The following CYSLTR1 variants were observed in gnomAD, a reference collection of about 807,000 sequenced individuals.
CYSLTR1 encodes G-protein coupled receptor HG55.
A neutral mutation model predicts 2.1 loss-of-function variants in CYSLTR1; 1 was observed. The ratio of observed to expected loss-of-function variants is 0.48; its 90% confidence interval spans 0.17 to 2.28. The LOEUF is 2.28. Ranked by LOEUF, CYSLTR1 falls within the 30% of genes most tolerant of loss-of-function variation. The probability of loss-of-function intolerance (pLI) is 0.26; values close to 1 mark genes in which losing one functional copy is unlikely to be tolerated. For synonymous variants in CYSLTR1, 110 were observed against 89.6 expected (o/e 1.23, Z -1.28); for missense variants, 299 against 250.1 (o/e 1.20, Z -1.32).
chrX:78,292,120 T>G (rs758383059), intron 1 of CYSLTR1, among the ~76,000 whole-genome samples: 7 of 112,060 alleles, frequency 6.2e-5, no homozygotes, highest in Admixed American at 9.5e-5. Flanking sequence ...CTATAAATTT[T>G]CCTCTACAAA....
intron 2 of CYSLTR1, among the ~76,000 whole-genome samples, chrX:78,278,393 T>C (rs750339583): frequency 2.8e-4 from 31 of 111,804 alleles, no homozygotes; most frequent in African/African-American, 9.7e-4. Flanking sequence ...AGTAAAATTC[T>C]TAGGAATACA....
At chrX:78,297,072 C>T (rs754217763) in intron 1 of CYSLTR1, among the ~76,000 whole-genome samples, 3 of 111,185 alleles carry the variant, frequency 2.7e-5, no homozygotes, top group Non-Finnish European at 5.7e-5. Flanking sequence ...TTCTTTTATA[C>T]TTAGTTTTTT....
At chrX:78,287,370 C>CTA (rs1318511261) in intron 1 of CYSLTR1, among the ~76,000 whole-genome samples, 7 of 111,640 alleles carry the variant, frequency 6.3e-5, no homozygotes, top group Admixed American at 2.9e-4. Context: ...AAAAGACAAA[C>CTA]TATAGAGACA....
chrX:78,318,089 T>C lies in CYSLTR1; in HGVS notation c.-115+9216A>G, dbSNP rs1923494710. On this transcript the variant is annotated intron_variant, in intron 1 of 2. Transcript: ENST00000373304. The stretch of plus-strand genomic sequence containing the variant: ...TATTATAAGGACACATGCATGTGTA[T>C]GTTCATTGCAGTACTATTCACAATA... 2.7e-5 allele frequency among the ~76,000 whole-genome samples: 3 copies of C among 112,557 alleles called. 1 individual carries two copies. The South Asian group carries it at 1.1e-3, about 41-fold the overall frequency.
intron 1 of CYSLTR1, among the ~76,000 whole-genome samples, chrX:78,303,599 T>C: frequency 9.0e-6 from 1 of 111,511 alleles, no homozygotes; most frequent in Non-Finnish European, 1.9e-5. Flanking sequence ...TAAGTCATTC[T>C]TTTGGTATAT....
At chrX:78,275,154 T>C (rs1056499688) in intron 2 of CYSLTR1, among the ~76,000 whole-genome samples, 17 of 112,108 alleles carry the variant, frequency 1.5e-4, no homozygotes, top group Non-Finnish European at 3.2e-4. Context: ...GTTCAACCAT[T>C]GTGGAAGACA....
In CYSLTR1 at chrX:78,272,672, T is replaced by C. The variant is rs1921320482; in HGVS notation, c.*61A>G. ...AAATTTTTATTTTTTTTGTAAATGA[T>C]TTGACAAAATACTTATTTGGGAAAC... On this transcript the variant is annotated 3_prime_UTR_variant, in exon 3 of 3. Transcript: ENST00000373304. The C allele has an allele frequency of 1.9e-6, 2 of 1,030,201 alleles. No homozygotes were observed. Among genetic ancestry groups the C allele is most frequent in the Non-Finnish European group, 2.5e-6 (2 of 784,931 alleles). 84.9% of individuals were successfully genotyped at this position (1,030,201 alleles called of 1,213,427 possible). A position where few individuals can be genotyped will look rare whatever the true frequency, so the allele number is the denominator to read the frequency against.
At chrX:78,317,279 A>G (rs1284480934) in intron 1 of CYSLTR1, among the ~76,000 whole-genome samples, 1 of 112,604 alleles carries the variant, frequency 8.9e-6, no homozygotes, top group Admixed American at 9.4e-5. Flanking sequence ...TAAAACCACA[A>G]TGAGATACTG....
chrX:78,278,047 G>A (rs1349644629), intron 2 of CYSLTR1, among the ~76,000 whole-genome samples: 1 of 111,973 alleles, frequency 8.9e-6, no homozygotes, highest in Non-Finnish European at 1.9e-5. Flanking sequence ...TGATACAAGA[G>A]TTAAAGATAA....
chrX:78,272,596 T>A lies in CYSLTR1; in HGVS notation c.*137A>T. 1.8e-6 allele frequency: 1 copy of A among 562,009 alleles called. No individual in the cohort carries two copies. Among genetic ancestry groups the A allele is most frequent in the Non-Finnish European group, 2.6e-6 (1 of 387,283 alleles). 46.3% of individuals were successfully genotyped at this position (562,009 alleles called of 1,213,427 possible). A position where few individuals can be genotyped will look rare whatever the true frequency, so the allele number is the denominator to read the frequency against. ...ATATCTAATCATGTGGATGCATAAA[T>A]GAGATAGAGTTGTAGGCCCAAATAG... On this transcript the variant is annotated 3_prime_UTR_variant, in exon 3 of 3. Coordinates refer to ENST00000373304, the MANE Select transcript of CYSLTR1 (RefSeq NM_006639.4).
At chrX:78,298,684 T>C (rs1232669561) in intron 1 of CYSLTR1, among the ~76,000 whole-genome samples, 3 of 111,790 alleles carry the variant, frequency 2.7e-5, no homozygotes, top group Non-Finnish European at 5.7e-5. Flanking sequence ...GTTGTAAGTA[T>C]AGTGACTCCT....
In CYSLTR1 at chrX:78,272,627, T is replaced by C; in HGVS notation, c.*106A>G. The C allele has an allele frequency of 1.3e-6, 1 of 797,164 alleles. No individual in the cohort carries two copies. Among genetic ancestry groups the C allele is most frequent in the Admixed American group, 4.4e-5 (1 of 22,537 alleles). 65.7% of individuals were successfully genotyped at this position (797,164 alleles called of 1,213,427 possible). A position where few individuals can be genotyped will look rare whatever the true frequency, so the allele number is the denominator to read the frequency against. ...AGAGTTGTAGGCCCAAATAGTTAAG[T>C]ATTTGTAAAATATTAAGTAAAATTT... On this transcript the variant is annotated 3_prime_UTR_variant, in exon 3 of 3. Coordinates refer to ENST00000373304, the MANE Select transcript of CYSLTR1 (RefSeq NM_006639.4).
chrX:78,289,235 T>C (rs1922209928), intron 1 of CYSLTR1, among the ~76,000 whole-genome samples: 1 of 111,023 alleles, frequency 9.0e-6, no homozygotes, highest in African/African-American at 3.3e-5. Context: ...GTCCTTGTGA[T>C]AGTTTGCTGA....
rs760522983 is a variant in CYSLTR1 at position 78,271,616 on chromosome X, C to T, written c.*1117G>A. On this transcript the variant is annotated 3_prime_UTR_variant, in exon 3 of 3. Transcript: ENST00000373304. ...TGTTGTGGCTGTTTTAAGATCAAAG[C>T]GTCCACTGTAATATAAAAGTCACTG... 11 of 111,900 alleles carry T rather than the reference C, an allele frequency of 9.8e-5. No homozygotes were observed. The highest frequency in any genetic ancestry group is 3.6e-4 in the African/African-American group (11 of 30,901). The allele number at this position is 111,900 out of a possible 1,213,427, so 9.2% of individuals were successfully genotyped here.
chrX:78,305,430 C>A (rs1187164163), intron 1 of CYSLTR1, among the ~76,000 whole-genome samples: 1 of 111,754 alleles, frequency 8.9e-6, no homozygotes, highest in East Asian at 2.8e-4. Flanking sequence ...CCCTTCTGAT[C>A]AAAGTTGTCC....
At position 78,324,156 on chromosome X, in the gene CYSLTR1, T is replaced by G. The variant is rs1168273210; in HGVS notation, c.-115+3149A>C. ...TTTATACAGTGGCCTTTTCTACTAA[T>G]CCATAAAGAAATCTTAATTAAAGGC... On this transcript the variant is annotated intron_variant, in intron 1 of 2. Coordinates refer to ENST00000373304, the MANE Select transcript of CYSLTR1 (RefSeq NM_006639.4). Among the ~76,000 whole-genome samples the G allele has an allele frequency of 2.4e-4, 27 of 111,781 alleles. No individual in the cohort carries two copies. In the Admixed American group the frequency reaches 2.5e-3, roughly 11 times the overall value.
intron 2 of CYSLTR1, among the ~76,000 whole-genome samples, chrX:78,276,404 C>A (rs998724358): frequency 2.7e-5 from 3 of 111,066 alleles, no homozygotes; most frequent in Non-Finnish European, 5.7e-5. Flanking sequence ...TTGTAAGAGA[C>A]GTGTTGGGGT....
intron 1 of CYSLTR1, among the ~76,000 whole-genome samples, chrX:78,289,903 T>C (rs1922242744): frequency 9.0e-6 from 1 of 111,655 alleles, no homozygotes; most frequent in Non-Finnish European, 1.9e-5. Flanking sequence ...TTTTCTCCCA[T>C]TCTGTAGGTT....
Position 78,273,756 on chromosome X carries a change from C to A in CYSLTR1, c.-10G>T. 1 of 1,182,476 alleles carries A rather than the reference C, an allele frequency of 8.5e-7. No individual in the cohort carries two copies. The highest frequency in any genetic ancestry group is 1.1e-6 in the Non-Finnish European group (1 of 879,658). ...TTCCTGTTTCATCCATGTTTCTCTA[C>A]GAATGTCTGCTTTGTGCCTATAATA... On this transcript the variant is annotated 5_prime_UTR_variant, in exon 3 of 3. Transcript: ENST00000373304.
Sources: allele counts gnomAD v4.1 joint callset (sites outside exome capture counted in the v4.1 genomes callset), GRCh38; gene constraint gnomAD v4.1.1; transcripts MANE v1.5; gene names NCBI Gene and HGNC (gene_info 2026-07-23, HGNC 2026-07-21).